The following UBE2H variants were observed in gnomAD, a reference collection of about 807,000 sequenced individuals.
The protein encoded by UBE2H is ubiquitin-conjugating enzyme E2 H.
A neutral mutation model predicts 29.0 loss-of-function variants in UBE2H; 3 were observed. The observed-to-expected ratio is 0.10, with a 90% confidence interval of 0.05 to 0.27. The LOEUF is 0.27. UBE2H is among the 10% of genes least tolerant of loss of function. The pLI is 1.00. For missense variants in UBE2H, 68 were observed against 228.2 expected, an observed-to-expected ratio of 0.30 and a Z score of 4.52; for synonymous variants, 69 against 82.9, an observed-to-expected ratio of 0.83 and a Z score of 0.91.
intron 1 of UBE2H, among the ~76,000 whole-genome samples, chr7:129,917,515 C>A (rs1413950954): frequency 3.9e-5 from 6 of 152,136 alleles, no homozygotes; most frequent in Non-Finnish European, 8.8e-5. Flanking sequence ...GAGGCTGAGA[C>A]AATCAACTAG....
At chr7:129,848,750 TA>T (rs1584741780) in intron 5 of UBE2H, among the ~76,000 whole-genome samples, 3 of 151,566 alleles carry the variant, frequency 2.0e-5, no homozygotes, top group Non-Finnish European at 4.4e-5. Context: ...GTGCCCAAAA[TA>T]AAGCCAACCA....
rs1187566617 is a variant in UBE2H at position 129,952,594 on chromosome 7, G to C, written c.-39C>G. 1 of 1,604,910 alleles carries C rather than the reference G, an allele frequency of 6.2e-7. No individual in the cohort carries two copies. Among genetic ancestry groups the C allele is most frequent in the Non-Finnish European group, 8.5e-7 (1 of 1,177,170 alleles). On this transcript the variant is annotated 5_prime_UTR_variant, in exon 1 of 7. Coordinates refer to ENST00000355621, the MANE Select transcript of UBE2H (RefSeq NM_003344.4). ...CCTCTCTCCCTTCCTCGGCCCGTCT[G>C]TCACGGGCCCGGGGCCCCGGCTCTG...
At chr7:129,855,068 A>G (rs1383530285) in intron 5 of UBE2H, among the ~76,000 whole-genome samples, 1 of 152,204 alleles carries the variant, frequency 6.6e-6, no homozygotes, top group African/African-American at 2.4e-5. Context: ...GAGGTGATGA[A>G]AATGTTCTAA....
At position 129,899,909 on chromosome 7, in the gene UBE2H, C is replaced by T. The variant is rs532042996; in HGVS notation, c.54-18938G>A. On this transcript the variant is annotated intron_variant, in intron 1 of 6. Coordinates refer to ENST00000355621, the MANE Select transcript of UBE2H (RefSeq NM_003344.4). ...TTGGGAGGCCGAGGCAGGCAGATCA[C>T]TTGAGGTGAGGAGTACGAGACCAGC... Among the ~76,000 whole-genome samples the T allele has an allele frequency of 1.8e-4, 28 of 152,250 alleles. 1 individual carries two copies. In the South Asian group the frequency reaches 3.9e-3, roughly 21 times the overall value.
At chr7:129,852,537 A>G (rs1805630230) in intron 5 of UBE2H, among the ~76,000 whole-genome samples, 1 of 152,148 alleles carries the variant, frequency 6.6e-6, no homozygotes. Context: ...GTTGTAGTCA[A>G]TTTTATTTGC....
In UBE2H at chr7:129,918,977, A is replaced by G. The variant is rs527967369; in HGVS notation, c.53+33526T>C. On this transcript the variant is annotated intron_variant, in intron 1 of 6. Transcript: ENST00000355621. ...TATACGCCTATAGTACCAGCTACTG[A>G]GGTGGCTGAGGTAGAAGGATCACTT... 4.0e-5 allele frequency among the ~76,000 whole-genome samples: 6 copies of G among 151,782 alleles called. No individual in the cohort carries two copies. In the East Asian group the frequency reaches 7.8e-4, roughly 20 times the overall value.
intron 5 of UBE2H, among the ~76,000 whole-genome samples, chr7:129,840,444 TC>T (rs1805409003): frequency 6.6e-6 from 1 of 152,186 alleles, no homozygotes; most frequent in South Asian, 2.1e-4. Flanking sequence ...CATCTTGGCC[TC>T]CCCAAGTGCT....
At chr7:129,875,320 T>C (rs750087727) in intron 3 of UBE2H, among the ~76,000 whole-genome samples, 2 of 152,202 alleles carry the variant, frequency 1.3e-5, no homozygotes, top group Non-Finnish European at 2.9e-5. Context: ...TTCAAAGAGG[T>C]GTTAAAACAT....
chr7:129,863,263 C>A (rs960734884), intron 3 of UBE2H, among the ~76,000 whole-genome samples: 3 of 152,184 alleles, frequency 2.0e-5, no homozygotes, highest in African/African-American at 7.2e-5. Context: ...GTCTCCAGTG[C>A]CCCTGCTAAG....
chr7:129,848,344 C>T (rs1396807082), intron 5 of UBE2H, among the ~76,000 whole-genome samples: 1 of 152,224 alleles, frequency 6.6e-6, no homozygotes, highest in Non-Finnish European at 1.5e-5. Flanking sequence ...TTCATCATCC[C>T]TCTCCCTCTG....
chr7:129,912,642 C>G (rs988584188), intron 1 of UBE2H, among the ~76,000 whole-genome samples: 1 of 152,142 alleles, frequency 6.6e-6, no homozygotes, highest in East Asian at 1.9e-4. Context: ...ACTTGTGTTA[C>G]GTAGGTGCTC....
chr7:129,936,461 G>A (rs1463685118), intron 1 of UBE2H, among the ~76,000 whole-genome samples: 1 of 151,564 alleles, frequency 6.6e-6, no homozygotes, highest in Non-Finnish European at 1.5e-5. Flanking sequence ...GGGCGTAGTG[G>A]CGGGCGCCTG....
intron 3 of UBE2H, among the ~76,000 whole-genome samples, chr7:129,870,770 T>A (rs1443090255): frequency 6.6e-6 from 1 of 152,104 alleles, no homozygotes; most frequent in East Asian, 1.9e-4. Flanking sequence ...AACTATGTAA[T>A]CTTTCTATTA....
In UBE2H at chr7:129,891,134, A is replaced by T. The variant is rs74517788; in HGVS notation, c.54-10163T>A. Among the ~76,000 whole-genome samples, 90 of 79,548 alleles carry T rather than the reference A, an allele frequency of 1.1e-3. No homozygotes were observed. In the Middle Eastern group the frequency reaches 0.022, roughly 19 times the overall value. The allele number at this position is 79,548 out of a possible 152,430, so 52.2% of individuals were successfully genotyped here. A position where few individuals can be genotyped will look rare whatever the true frequency, so the allele number is the denominator to read the frequency against. The stretch of plus-strand genomic sequence containing the variant: ...CTGGGTGACAGAGCAAGACTCTCTC[A>T]AAAAAAAAAATAGTCAACTTATAAA... On this transcript the variant is annotated intron_variant, in intron 1 of 6. Transcript: ENST00000355621.
At chr7:129,835,875 T>C (rs1439166834) in intron 6 of UBE2H, among the ~76,000 whole-genome samples, 4 of 152,212 alleles carry the variant, frequency 2.6e-5, no homozygotes, top group South Asian at 2.1e-4. Flanking sequence ...TTTCCTCCTA[T>C]AGAGTTGCGG....
At chr7:129,847,846 C>A (rs1805539259) in intron 5 of UBE2H, among the ~76,000 whole-genome samples, 1 of 151,618 alleles carries the variant, frequency 6.6e-6, no homozygotes, top group African/African-American at 2.4e-5. Flanking sequence ...CTCTCAGGCT[C>A]CAAGCCTCTG....
At chr7:129,906,299 G>A (rs62491529) in intron 1 of UBE2H, among the ~76,000 whole-genome samples, 278 of 151,270 alleles carry the variant, frequency 1.8e-3, no homozygotes, top group Non-Finnish European at 2.7e-3. Context: ...TCCACCTCCC[G>A]GTTCAAGCGA....
At chr7:129,846,337 G>C (rs1805510222) in intron 5 of UBE2H, among the ~76,000 whole-genome samples, 1 of 145,546 alleles carries the variant, frequency 6.9e-6, no homozygotes, top group African/African-American at 2.6e-5. Flanking sequence ...GGGAGATCCG[G>C]TCTCTACAAA....
intron 1 of UBE2H, among the ~76,000 whole-genome samples, chr7:129,904,460 C>T (rs754764025): frequency 9.9e-5 from 15 of 152,268 alleles, no homozygotes; most frequent in South Asian, 4.1e-4. Flanking sequence ...GAGACCTTTC[C>T]GATCACCTGA....
Sources: gnomAD v4.1 joint callset for allele counts (sites outside exome capture counted in the v4.1 genomes callset) on GRCh38, gnomAD v4.1.1 for gene constraint, MANE v1.5 for transcripts, NCBI Gene and HGNC (gene_info 2026-07-23, HGNC 2026-07-21) for gene names.